FRMD6: variants seen among roughly 807,000 people sequenced by gnomAD.
FRMD6 encodes the protein FERM domain-containing protein 6.
Under a neutral mutation model 73.2 loss-of-function variants are expected in FRMD6, and 37 were observed. That is an observed-to-expected ratio of 0.51 (90% CI 0.39 to 0.66). FRMD6 has a LOEUF of 0.66. FRMD6 is among the 30% of genes least tolerant of loss of function. The pLI is 0.00. For synonymous variants in FRMD6, 273 were observed against 282.2 expected (o/e 0.97, Z 0.33); for missense variants, 714 against 780.5 (o/e 0.91, Z 1.02).
At chr14:51,693,282 A>G (rs1457891650) in intron 2 of FRMD6, among the ~76,000 whole-genome samples, 7 of 152,206 alleles carry the variant, frequency 4.6e-5, no homozygotes, top group Admixed American at 4.6e-4. Flanking sequence ...TGATGCATAT[A>G]TAATAGCTGC....
chr14:51,599,839 C>G (rs1442790620), intron 2 of FRMD6: 1 of 149,820 alleles, frequency 6.7e-6, no homozygotes, highest in Non-Finnish European at 1.5e-5. Flanking sequence ...TTGAGAACCT[C>G]TCACTTCTCT....
At chr14:51,520,575 A>G (rs961788808) in intron 1 of FRMD6, among the ~76,000 whole-genome samples, 2 of 152,238 alleles carry the variant, frequency 1.3e-5, no homozygotes, top group African/African-American at 2.4e-5. Flanking sequence ...GAAGTGTGAT[A>G]TATCCATACC....
chr14:51,513,100 C>G (rs1884410218), intron 1 of FRMD6, among the ~76,000 whole-genome samples: 1 of 152,214 alleles, frequency 6.6e-6, no homozygotes, highest in Non-Finnish European at 1.5e-5. Flanking sequence ...CTATGCCAGA[C>G]TTTCCCAGAG....
chr14:51,451,408 C>G, the FRMD6 span, among the ~76,000 whole-genome samples: 1 of 152,204 alleles, frequency 6.6e-6, no homozygotes, highest in South Asian at 2.1e-4. Flanking sequence ...GAGTCTTGGT[C>G]TGTTACCCAG....
chr14:51,484,065 T>C, the FRMD6 span, among the ~76,000 whole-genome samples: 4 of 152,348 alleles, frequency 2.6e-5, no homozygotes, highest in Admixed American at 1.3e-4. Flanking sequence ...ACCTTCAACA[T>C]AGATGTTCAA....
At chr14:51,512,841 C>T (rs540930713) in intron 1 of FRMD6, among the ~76,000 whole-genome samples, 6 of 152,114 alleles carry the variant, frequency 3.9e-5, no homozygotes, top group African/African-American at 9.7e-5. Flanking sequence ...GAGATCTTGA[C>T]GTGGAAGGGG....
chr14:51,630,349 C>T (rs1161158174), intron 2 of FRMD6, among the ~76,000 whole-genome samples: 1 of 152,062 alleles, frequency 6.6e-6, no homozygotes, highest in Non-Finnish European at 1.5e-5. Context: ...AGGCAAATTG[C>T]ATAATGTTAC....
At chr14:51,432,703 G>T in the FRMD6 span, among the ~76,000 whole-genome samples, 2 of 152,204 alleles carry the variant, frequency 1.3e-5, no homozygotes, top group African/African-American at 4.8e-5. Context: ...CATTGAGCTT[G>T]GTTAAGACAC....
chr14:51,721,753 A>AAGGAG (rs1555340791), intron 11 of FRMD6, among the ~76,000 whole-genome samples, 196 bp from the exon 12 acceptor site: 1 of 108,706 alleles, frequency 9.2e-6, no homozygotes, highest in Non-Finnish European at 2.0e-5. Flanking sequence ...GAAGGGAGGA[A>AAGGAG]GGAAGGAGGG....
rs763061250 is a variant in FRMD6 at position 51,689,808 on chromosome 14, G to A, written c.-29G>A. The A allele has an allele frequency of 2.1e-6, 3 of 1,415,018 alleles. No individual in the cohort carries two copies. The highest frequency in any genetic ancestry group is 1.7e-5 in the Admixed American group (1 of 59,766). The allele number at this position is 1,415,018 out of a possible 1,614,324, so 87.7% of individuals were successfully genotyped here. A position where few individuals can be genotyped will look rare whatever the true frequency, so the allele number is the denominator to read the frequency against. ...GGAATTGCCAAGGACCCAGAGCCCA[G>A]CCCTGACCACCAGAGTGCCCAAAAC... On this transcript the variant is annotated 5_prime_UTR_variant, in exon 2 of 14. Transcript: ENST00000344768.
intron 1 of FRMD6, among the ~76,000 whole-genome samples, chr14:51,505,441 AG>A (rs993762419): frequency 3.9e-5 from 6 of 152,154 alleles, no homozygotes; most frequent in Non-Finnish European, 7.4e-5. Context: ...GAGAAGGGAA[AG>A]GGGCTCACAT....
chr14:51,557,739 TG>T (rs1212200380), intron 1 of FRMD6, among the ~76,000 whole-genome samples: 1 of 152,154 alleles, frequency 6.6e-6, no homozygotes, highest in East Asian at 1.9e-4. Flanking sequence ...CATTCCCCAG[TG>T]TATTCGTATA....
At chr14:51,444,018 T>A in the FRMD6 span, among the ~76,000 whole-genome samples, 2 of 146,974 alleles carry the variant, frequency 1.4e-5, no homozygotes, top group African/African-American at 5.0e-5. Flanking sequence ...AACCTCCACC[T>A]CCCAGGTTCA....
chr14:51,697,960 G>C, intron 2 of FRMD6, 182 bp from the exon 3 acceptor site: 1 of 525,112 alleles, frequency 1.9e-6, no homozygotes, highest in South Asian at 2.3e-5. Context: ...AACTGGTACT[G>C]TGATCATCAT....
At chr14:51,430,339 T>C in the FRMD6 span, among the ~76,000 whole-genome samples, 1 of 152,176 alleles carries the variant, frequency 6.6e-6, no homozygotes, top group Non-Finnish European at 1.5e-5. Flanking sequence ...AGTTGCTCAC[T>C]TCCTTCAGCT....
chr14:51,722,342 T>C (rs1897673736), intron 12 of FRMD6, among the ~76,000 whole-genome samples: 1 of 152,222 alleles, frequency 6.6e-6, no homozygotes, highest in Non-Finnish European at 1.5e-5. Flanking sequence ...AGTAGGGTTC[T>C]CTTTATGTTA....
chr14:51,698,999 A>G (rs564364298), intron 3 of FRMD6, among the ~76,000 whole-genome samples: 38 of 152,168 alleles, frequency 2.5e-4, no homozygotes, highest in Non-Finnish European at 4.6e-4. Flanking sequence ...ATTCTTGAAT[A>G]TGGTTTATTT....
intron 1 of FRMD6, among the ~76,000 whole-genome samples, chr14:51,666,200 G>T (rs1472369069): frequency 6.6e-6 from 1 of 152,164 alleles, no homozygotes; most frequent in African/African-American, 2.4e-5. Context: ...ATCCATTTGA[G>T]TATGAATTCA....
intron 2 of FRMD6, among the ~76,000 whole-genome samples, chr14:51,692,018 A>C (rs1026394969): frequency 6.6e-6 from 1 of 152,204 alleles, no homozygotes; most frequent in African/African-American, 2.4e-5. Context: ...GCTTATTGCT[A>C]TAGTCATTTT....
Sources: gnomAD v4.1 joint callset for allele counts (sites outside exome capture counted in the v4.1 genomes callset) on GRCh38, gnomAD v4.1.1 for gene constraint, MANE v1.5 for transcripts, NCBI Gene and HGNC (gene_info 2026-07-23, HGNC 2026-07-21) for gene names.